The following CSNK1E variants were observed in gnomAD, a reference collection of about 807,000 sequenced individuals.
CSNK1E encodes casein kinase I isoform epsilon.
In CSNK1E, 17 loss-of-function variants were observed where a neutral mutation model predicts 46.1. The observed-to-expected ratio is 0.37, with a 90% CI of 0.25 to 0.55. The LOEUF is 0.55. Ranked by LOEUF, CSNK1E falls within the 20% of genes least tolerant of loss-of-function variation. CSNK1E has a pLI of 0.82. For synonymous variants in CSNK1E, 241 were observed against 242.6 expected (o/e 0.99, Z 0.06); for missense variants, 386 against 595.4 (o/e 0.65, Z 3.66).
In CSNK1E at chr22:38,300,200, T is replaced by A; in HGVS notation, c.566-135A>T. 1.3e-6 allele frequency: 1 copy of A among 753,864 alleles called. No homozygotes were observed. Among genetic ancestry groups the A allele is most frequent in the Non-Finnish European group, 2.1e-6 (1 of 474,830 alleles). 46.7% of individuals were successfully genotyped at this position (753,864 alleles called of 1,614,324 possible). On this transcript the variant is annotated intron_variant, in intron 5 of 10. Coordinates refer to ENST00000396832, the MANE Select transcript of CSNK1E (RefSeq NM_152221.3). The surrounding 1 kb of genome is among the most constrained non-coding windows in gnomAD (Gnocchi z 4.4). ...CGGATGTTGCTCACTGCACGCATTT[T>A]AAACAGGCACTGCTATTATCCTCCT...
chr22:38,295,412 G>A (rs1031262596), intron 7 of CSNK1E: 6 of 985,250 alleles, frequency 6.1e-6, no homozygotes, highest in East Asian at 1.1e-4. Context: ...GCCGTCCACA[G>A]GGAAGGGCAG....
chr22:38,299,860 C>T (rs1408851656), intron 6 of CSNK1E, 35 bp downstream of exon 6: 3 of 1,603,254 alleles, frequency 1.9e-6, no homozygotes, highest in East Asian at 2.2e-5. Context: ...GCCTCAGGGG[C>T]CCCCAGGCAT....
chr22:38,296,104 T>C (rs2145829564), intron 7 of CSNK1E: 1 of 958,368 alleles, frequency 1.0e-6, no homozygotes, highest in Non-Finnish European at 1.2e-6. Context: ...CCCTGCCCTT[T>C]GTGAGCCCAG....
Position 38,294,328 on chromosome 22 carries a change from G to C in CSNK1E, c.1078+14C>G. 1 of 1,584,034 alleles carries C rather than the reference G, an allele frequency of 6.3e-7. No individual in the cohort carries two copies. Among genetic ancestry groups the C allele is most frequent in the Non-Finnish European group, 8.6e-7 (1 of 1,168,076 alleles). Reference sequence around the variant, plus strand: ...CCACCCTGAACCCAGCCCACTGCCTGAGTCCCTGCTCACCAGCCGGCTGGA... The same window carrying C: ...CCACCCTGAACCCAGCCCACTGCCTCAGTCCCTGCTCACCAGCCGGCTGGA... On this transcript the variant is annotated intron_variant, in intron 8 of 10. Coordinates refer to ENST00000396832, the MANE Select transcript of CSNK1E (RefSeq NM_152221.3). This position sits in a 1 kb window ranked among gnomAD's most constrained non-coding sequence, Gnocchi z 5.5.
intron 1 of CSNK1E, among the ~76,000 whole-genome samples, chr22:38,315,509 C>G (rs2092740493): frequency 6.6e-6 from 1 of 152,212 alleles, no homozygotes; most frequent in Non-Finnish European, 1.5e-5. Context: ...CAGGGGAACA[C>G]AGTCCACGTT....
At chr22:38,304,988 G>A (rs1461383957) in intron 2 of CSNK1E, among the ~76,000 whole-genome samples, 3 of 152,024 alleles carry the variant, frequency 2.0e-5, no homozygotes, top group Non-Finnish European at 2.9e-5. Context: ...CGGGCGCAGT[G>A]GCAGGCATCT....
intron 2 of CSNK1E, among the ~76,000 whole-genome samples, chr22:38,307,393 A>T (rs772792143): frequency 5.3e-5 from 8 of 152,050 alleles, no homozygotes; most frequent in African/African-American, 7.2e-5. Context: ...TACTAAAAAT[A>T]CAAAAATTAG....
Position 38,299,989 on chromosome 22 carries a change from CT to C in CSNK1E, c.641del (p.Gln214ArgfsTer80). 6.2e-7 allele frequency: 1 copy of C among 1,614,210 alleles called. No homozygotes were observed. Among genetic ancestry groups the C allele is most frequent in the Non-Finnish European group, 8.5e-7 (1 of 1,180,032 alleles). ...GGCGCTTGGTGGCTGCTTTGAGCCC[CT>C]GCCAGGGCAGGGAGCCCAGGTTGAA... ...MYFNLGSLPW[Q>X]GLKAATKRQK... is the part of the protein sequence containing the mutation. On this transcript the variant is annotated frameshift_variant, in exon 6 of 11. Coordinates refer to ENST00000396832, the MANE Select transcript of CSNK1E (RefSeq NM_152221.3). LOFTEE classifies it high-confidence loss of function.
chr22:38,305,818 C>T (rs2092696222), intron 2 of CSNK1E, among the ~76,000 whole-genome samples: 1 of 152,080 alleles, frequency 6.6e-6, no homozygotes, highest in Non-Finnish European at 1.5e-5. Flanking sequence ...AGCACTCCTC[C>T]CAGGTGGTGG....
chr22:38,297,305 C>A (rs2092646143), intron 7 of CSNK1E: 2 of 604,828 alleles, frequency 3.3e-6, no homozygotes, highest in Admixed American at 5.5e-5. Context: ...TGCTCAAGGC[C>A]ATGGGCCCCA....
chr22:38,294,713 G>A lies in CSNK1E; in HGVS notation c.886-179C>T, dbSNP rs552806493. ...CCACAATCACACAGCACAGAGACAC[G>A]AAGCCACACAACCACCAGAGGAAGG... On this transcript the variant is annotated intron_variant, in intron 7 of 10. Coordinates refer to ENST00000396832, the MANE Select transcript of CSNK1E (RefSeq NM_152221.3). This position sits in a 1 kb window ranked among gnomAD's most constrained non-coding sequence, Gnocchi z 5.5. Among the ~76,000 whole-genome samples, 5 of 152,170 alleles carry A rather than the reference G, an allele frequency of 3.3e-5. No individual in the cohort carries two copies. Among genetic ancestry groups the A allele is most frequent in the Admixed American group, 2.6e-4 (4 of 15,290 alleles).
chr22:38,292,289 C>T (rs565408096), intron 10 of CSNK1E: 1 of 152,252 alleles, frequency 6.6e-6, no homozygotes, highest in South Asian at 2.1e-4. Context: ...ACTTGGCCCC[C>T]CAAACTCCTG....
At position 38,304,459 on chromosome 22, in the gene CSNK1E, T is replaced by C. The variant is rs80121189; in HGVS notation, c.77-1211A>G. Among the ~76,000 whole-genome samples the C allele has an allele frequency of 5.3e-3, 806 of 152,170 alleles. 12 individuals carry two copies. Among genetic ancestry groups the C allele is most frequent in the African/African-American group, 0.018 (767 of 41,510 alleles). ...TGCACCTCTTGGGTGAAGCTGAACATAAACAAACGCTCGCCCAAGCAACCC... is the reference window on the plus strand; with the variant it reads ...TGCACCTCTTGGGTGAAGCTGAACACAAACAAACGCTCGCCCAAGCAACCC... On this transcript the variant is annotated intron_variant, in intron 2 of 10. Transcript: ENST00000396832.
intron 1 of CSNK1E, among the ~76,000 whole-genome samples, chr22:38,315,123 A>G (rs1438482760): frequency 2.0e-5 from 3 of 152,196 alleles, no homozygotes; most frequent in Non-Finnish European, 4.4e-5. Flanking sequence ...CACCTGTCCC[A>G]CACCACCCTG....
rs1555906556 is a variant in CSNK1E at position 38,291,356 on chromosome 22, A to ACACG, written c.*614_*615insCGTG. On this transcript the variant is annotated 3_prime_UTR_variant, in exon 11 of 11. Transcript: ENST00000396832. Reference sequence around the variant, plus strand: ...AATACATCCACACACACACACACACACACACACGCAGGGGACGCCGGCCCC... The same window carrying ACACG: ...AATACATCCACACACACACACACACACACGCACACACGCAGGGGACGCCGGCCCC... The ACACG allele has an allele frequency of 6.6e-6, 1 of 151,976 alleles. No individual in the cohort carries two copies. Among genetic ancestry groups the ACACG allele is most frequent in the East Asian group, 1.9e-4 (1 of 5,176 alleles). 9.4% of individuals were successfully genotyped at this position (151,976 alleles called of 1,614,324 possible). A position where few individuals can be genotyped will look rare whatever the true frequency, so the allele number is the denominator to read the frequency against.
rs1329706837 is a variant in CSNK1E at position 38,300,210 on chromosome 22, C to T, written c.566-145G>A. 12 of 705,330 alleles carry T rather than the reference C, an allele frequency of 1.7e-5. No individual in the cohort carries two copies. Among genetic ancestry groups the T allele is most frequent in the Admixed American group, 2.9e-5 (1 of 34,524 alleles). 43.7% of individuals were successfully genotyped at this position (705,330 alleles called of 1,614,324 possible). ...TCACTGCACGCATTTTAAACAGGCACTGCTATTATCCTCCTCCTACAGAGA... is the reference window on the plus strand; with the variant it reads ...TCACTGCACGCATTTTAAACAGGCATTGCTATTATCCTCCTCCTACAGAGA... On this transcript the variant is annotated intron_variant, in intron 5 of 10. Coordinates refer to ENST00000396832, the MANE Select transcript of CSNK1E (RefSeq NM_152221.3). The surrounding 1 kb of genome is among the most constrained non-coding windows in gnomAD (Gnocchi z 4.4).
rs945762531 is a variant in CSNK1E, at chr22:38,303,914, C to T, written c.77-666G>A. ...CTGGCCTCCAGCATAGGTCAGAGGTCCTGCCTGCACCTCCCCGTCTCCCCC... is the reference window on the plus strand; with the variant it reads ...CTGGCCTCCAGCATAGGTCAGAGGTTCTGCCTGCACCTCCCCGTCTCCCCC... On this transcript the variant is annotated intron_variant, in intron 2 of 10. Coordinates refer to ENST00000396832, the MANE Select transcript of CSNK1E (RefSeq NM_152221.3). This position sits in a 1 kb window ranked among gnomAD's most constrained non-coding sequence, Gnocchi z 4.7. Among the ~76,000 whole-genome samples, 1 of 152,176 alleles carries T rather than the reference C, an allele frequency of 6.6e-6. No homozygotes were observed. The highest frequency in any genetic ancestry group is 2.4e-5 in the African/African-American group (1 of 41,432).
At chr22:38,315,703 C>A (rs1358208326) in intron 1 of CSNK1E, among the ~76,000 whole-genome samples, 2 of 150,246 alleles carry the variant, frequency 1.3e-5, no homozygotes, top group African/African-American at 2.5e-5. Context: ...AATTCAGAGA[C>A]CACACATGGC....
chr22:38,301,422 G>A (rs537855804), intron 4 of CSNK1E, among the ~76,000 whole-genome samples: 4 of 152,176 alleles, frequency 2.6e-5, no homozygotes, highest in South Asian at 2.1e-4. Context: ...CAGGCACATG[G>A]CCCTCTTTCC....
Sources: allele counts gnomAD v4.1 joint callset (sites outside exome capture counted in the v4.1 genomes callset), GRCh38; gene constraint gnomAD v4.1.1; non-coding constraint Gnocchi (gnomAD v3.1); transcripts MANE v1.5; gene names NCBI Gene and HGNC (gene_info 2026-07-23, HGNC 2026-07-21).